SAMTOR: variants seen among roughly 807,000 people sequenced by gnomAD.
The protein encoded by SAMTOR is S-adenosylmethionine sensor upstream of mTORC1.
chr7:112,907,906 C>T, the SAMTOR span, among the ~76,000 whole-genome samples: 2 of 151,714 alleles, frequency 1.3e-5, no homozygotes, highest in African/African-American at 4.8e-5. Flanking sequence ...GATATAACCT[C>T]TACACAGGGC....
At chr7:112,832,737 T>G in the SAMTOR span, 2 of 1,094,788 alleles carry the variant, frequency 1.8e-6, no homozygotes, top group South Asian at 2.6e-5. Context: ...TCACATAGAT[T>G]ATCAGTTCTT....
chr7:112,859,216 A>G, the SAMTOR span, among the ~76,000 whole-genome samples: 3 of 152,184 alleles, frequency 2.0e-5, no homozygotes, highest in East Asian at 3.8e-4. Context: ...GTTCCTTAAA[A>G]TAAGTTTCTA....
the SAMTOR span, among the ~76,000 whole-genome samples, chr7:112,917,387 C>T: frequency 7.3e-3 from 1,113 of 152,326 alleles, 14 homozygotes; most frequent in Non-Finnish European, 8.7e-3. Flanking sequence ...AGCTGAGGGT[C>T]CTGTCTGTTA....
chr7:112,902,545 A>C, the SAMTOR span, among the ~76,000 whole-genome samples: 2 of 151,870 alleles, frequency 1.3e-5, no homozygotes, highest in Non-Finnish European at 2.9e-5. Context: ...ATAATACTAT[A>C]ATGGAGGATA....
At chr7:112,879,465 A>C in the SAMTOR span, among the ~76,000 whole-genome samples, 1 of 152,084 alleles carries the variant, frequency 6.6e-6, no homozygotes, top group Non-Finnish European at 1.5e-5. Flanking sequence ...TTTTTAAAAG[A>C]AGATAACATC....
the SAMTOR span, among the ~76,000 whole-genome samples, chr7:112,919,425 A>T: frequency 6.6e-6 from 1 of 152,130 alleles, no homozygotes; most frequent in Non-Finnish European, 1.5e-5. Flanking sequence ...AACATACCAG[A>T]ATCTCTGGGA....
the SAMTOR span, among the ~76,000 whole-genome samples, chr7:112,864,260 A>C: frequency 6.6e-6 from 1 of 152,188 alleles, no homozygotes. Context: ...AATGGAGAGG[A>C]TCAAGAAAAA....
the SAMTOR span, among the ~76,000 whole-genome samples, chr7:112,913,365 T>C: frequency 6.6e-6 from 1 of 152,214 alleles, no homozygotes; most frequent in African/African-American, 2.4e-5. Context: ...TACACTTATT[T>C]GAGCATTAAT....
chr7:112,916,442 T>C, the SAMTOR span, among the ~76,000 whole-genome samples: 2 of 152,208 alleles, frequency 1.3e-5, no homozygotes, highest in East Asian at 3.9e-4. Context: ...AACTTAAAAC[T>C]ATAAATAGAG....
the SAMTOR span, among the ~76,000 whole-genome samples, chr7:112,919,366 T>C: frequency 6.6e-6 from 1 of 151,948 alleles, no homozygotes; most frequent in Admixed American, 6.6e-5. Flanking sequence ...CATAATGAAA[T>C]GAAGGCAGAA....
chr7:112,897,496 A>G, the SAMTOR span, among the ~76,000 whole-genome samples: 45 of 152,282 alleles, frequency 3.0e-4, no homozygotes, highest in Admixed American at 1.3e-4. Flanking sequence ...AAAATACTTA[A>G]AGGGCTAAAA....
At chr7:112,894,133 A>G in the SAMTOR span, among the ~76,000 whole-genome samples, 1 of 145,742 alleles carries the variant, frequency 6.9e-6, no homozygotes, top group African/African-American at 2.5e-5. Flanking sequence ...CTAGTGTCTT[A>G]TGGAATAGAG....
chr7:112,903,566 T>C, the SAMTOR span, among the ~76,000 whole-genome samples: 1 of 152,150 alleles, frequency 6.6e-6, no homozygotes. Context: ...AGTTGTATTA[T>C]GATTACGTAG....
the SAMTOR span, among the ~76,000 whole-genome samples, chr7:112,922,084 T>G: frequency 6.6e-6 from 1 of 152,096 alleles, no homozygotes; most frequent in African/African-American, 2.4e-5. Flanking sequence ...GCCTGCCGAG[T>G]GCCTGCGATT....
chr7:112,892,253 GT>G, the SAMTOR span, among the ~76,000 whole-genome samples: 1 of 151,998 alleles, frequency 6.6e-6, no homozygotes, highest in Non-Finnish European at 1.5e-5. Flanking sequence ...TCTAATTCTA[GT>G]TTTTCCCACC....
At chr7:112,878,149 C>T in the SAMTOR span, among the ~76,000 whole-genome samples, 1 of 152,104 alleles carries the variant, frequency 6.6e-6, no homozygotes, top group African/African-American at 2.4e-5. Flanking sequence ...AACACAATTA[C>T]TCAAGAGTTT....
chr7:112,879,963 A>G, the SAMTOR span, among the ~76,000 whole-genome samples: 4 of 152,214 alleles, frequency 2.6e-5, no homozygotes, highest in Non-Finnish European at 4.4e-5. Flanking sequence ...TACTAAAATA[A>G]TAAGTAAATC....
At chr7:112,899,413 AAAG>A in the SAMTOR span, among the ~76,000 whole-genome samples, 173 of 152,278 alleles carry the variant, frequency 1.1e-3, no homozygotes, top group African/African-American at 4.0e-3. Context: ...AGTGAAAAAG[AAAG>A]AAGAATGCTT....
chr7:112,883,977 G>A, the SAMTOR span, among the ~76,000 whole-genome samples: 1 of 152,136 alleles, frequency 6.6e-6, no homozygotes, highest in Admixed American at 6.5e-5. Flanking sequence ...CAGCATGGCT[G>A]GGGAGGCCTC....
Sources: gnomAD v4.1 joint callset for allele counts (sites outside exome capture counted in the v4.1 genomes callset) on GRCh38, gnomAD v4.1.1 for gene constraint, MANE v1.5 for transcripts, NCBI Gene and HGNC (gene_info 2026-07-23, HGNC 2026-07-21) for gene names.